The following PHF20 variants were observed in gnomAD, a reference collection of about 807,000 sequenced individuals.
PHF20 encodes the protein glioma-expressed antigen 2.
A neutral mutation model predicts 113.5 loss-of-function variants in PHF20; 23 were observed. The ratio of observed to expected loss-of-function variants is 0.20; its 90% CI spans 0.15 to 0.29. The LOEUF (loss-of-function observed/expected upper bound fraction) is 0.29, where lower values mean the gene tolerates loss of function less well. PHF20 is among the 10% of genes least tolerant of loss of function. PHF20 has a pLI of 1.00. For synonymous variants in PHF20, 434 were observed against 457.3 expected (o/e 0.95, Z 0.65); for missense variants, 943 against 1,219.6 (o/e 0.77, Z 3.38).
chr20:35,874,928 T>C (rs2054491153), intron 9 of PHF20, among the ~76,000 whole-genome samples: 1 of 151,802 alleles, frequency 6.6e-6, no homozygotes, highest in African/African-American at 2.4e-5. Context: ...AGTGAGACCC[T>C]CCCTCTTCAA....
At chr20:35,821,953 C>T (rs991950522) in intron 2 of PHF20, among the ~76,000 whole-genome samples, 1 of 152,118 alleles carries the variant, frequency 6.6e-6, no homozygotes, top group African/African-American at 2.4e-5. Context: ...ATGGGGTAGA[C>T]TTCAGTAGAA....
At chr20:35,910,576 C>A (rs551976031) in intron 10 of PHF20, among the ~76,000 whole-genome samples, 1 of 152,084 alleles carries the variant, frequency 6.6e-6, no homozygotes. Flanking sequence ...CTCCCCTCCC[C>A]CTGAGCTCCA....
At chr20:35,818,936 G>A (rs1162599718) in intron 2 of PHF20, among the ~76,000 whole-genome samples, 1 of 151,446 alleles carries the variant, frequency 6.6e-6, no homozygotes, top group Non-Finnish European at 1.5e-5. Flanking sequence ...TTTTTGTTTT[G>A]TTTTGTTTTG....
At chr20:35,896,773 C>T (rs1421000359) in intron 9 of PHF20, among the ~76,000 whole-genome samples, 2 of 147,446 alleles carry the variant, frequency 1.4e-5, no homozygotes, top group African/African-American at 5.0e-5. Flanking sequence ...TGCACTCCAG[C>T]CTGGACAAAG....
chr20:35,869,770 A>G (rs2054384989), intron 7 of PHF20, among the ~76,000 whole-genome samples: 1 of 152,194 alleles, frequency 6.6e-6, no homozygotes, highest in African/African-American at 2.4e-5. Flanking sequence ...CTGTGGTATC[A>G]TCTCCATATC....
intron 1 of PHF20, among the ~76,000 whole-genome samples, chr20:35,785,561 C>T (rs1483571223): frequency 6.6e-6 from 1 of 151,758 alleles, no homozygotes; most frequent in Non-Finnish European, 1.5e-5. Context: ...CTCAGGTGAT[C>T]CTCCCGCCTC....
At chr20:35,939,867 A>C (rs2055942650) in intron 16 of PHF20, among the ~76,000 whole-genome samples, 1 of 152,160 alleles carries the variant, frequency 6.6e-6, no homozygotes, top group African/African-American at 2.4e-5. Flanking sequence ...CTAGATTACA[A>C]GCCCCTCAAG....
At chr20:35,774,397 T>C (rs2146819368) in intron 1 of PHF20, 1 of 152,312 alleles carries the variant, frequency 6.6e-6, no homozygotes, top group Non-Finnish European at 1.5e-5. Flanking sequence ...TTACCCCCAA[T>C]CCTCACATTA....
intron 10 of PHF20, among the ~76,000 whole-genome samples, chr20:35,900,884 T>C (rs2055082519): frequency 6.6e-6 from 1 of 151,948 alleles, no homozygotes; most frequent in African/African-American, 2.4e-5. Context: ...GATTGTATGG[T>C]TCTGCTTATA....
chr20:35,944,787 G>A (rs1391852436), intron 17 of PHF20, among the ~76,000 whole-genome samples: 1 of 152,090 alleles, frequency 6.6e-6, no homozygotes, highest in African/African-American at 2.4e-5. Context: ...GGCTTGTCTT[G>A]AATTTCTGAC....
At chr20:35,866,970 G>T (rs2054330634) in intron 6 of PHF20, among the ~76,000 whole-genome samples, 1 of 152,188 alleles carries the variant, frequency 6.6e-6, no homozygotes. Context: ...TTTCCAGTCA[G>T]ACTGTCTGGA....
chr20:35,916,727 TA>T (rs541597953), intron 12 of PHF20, among the ~76,000 whole-genome samples: 2 of 151,824 alleles, frequency 1.3e-5, no homozygotes, highest in South Asian at 4.1e-4. Flanking sequence ...CTTGGCCTCC[TA>T]AAGTGCTGGG....
intron 1 of PHF20, among the ~76,000 whole-genome samples, chr20:35,784,664 T>C (rs1368346428): frequency 1.3e-5 from 2 of 151,990 alleles, no homozygotes; most frequent in East Asian, 3.9e-4. Context: ...CTTGAACTCC[T>C]GACCTCAGGT....
At chr20:35,777,123 A>G (rs985846428) in intron 1 of PHF20, among the ~76,000 whole-genome samples, 1 of 152,206 alleles carries the variant, frequency 6.6e-6, no homozygotes, top group African/African-American at 2.4e-5. Flanking sequence ...ACTACCTGAA[A>G]TCCTCAAAGA....
rs970813595 is a variant in PHF20 at position 35,917,585 on chromosome 20, G to C, written c.1927G>C (p.Asp643His). ...GACCACCAACCCAGATGAGGAACTT[G>C]ATGGGGATGACCGCTATGACTTCGA... ...DVTTNPDEEL[D>H]GDDRYDFEVV... The change falls in exon 13 of 18, where the codon GAT becomes CAT. Residue 643 changes from aspartate to histidine, a missense_variant. Asp to His is a moderately conservative substitution (Grantham distance 81). Around this residue, in one of 3 missense-constraint regions of PHF20, gnomAD observed 592 missense variants for 787.2 expected, o/e 0.75. Coordinates refer to ENST00000374012, the MANE Select transcript of PHF20 (RefSeq NM_016436.5). The C allele has an allele frequency of 1.2e-6, 2 of 1,614,042 alleles. No individual in the cohort carries two copies. The highest frequency in any genetic ancestry group is 2.7e-5 in the African/African-American group (2 of 74,920).
chr20:35,902,098 C>G (rs1269714703), intron 10 of PHF20, among the ~76,000 whole-genome samples: 1 of 152,158 alleles, frequency 6.6e-6, no homozygotes, highest in Admixed American at 6.5e-5. Flanking sequence ...CCATATGTGG[C>G]TGAGTTGGGT....
intron 2 of PHF20, among the ~76,000 whole-genome samples, chr20:35,822,245 A>G (rs995469555): frequency 6.6e-6 from 1 of 151,976 alleles, no homozygotes; most frequent in Admixed American, 6.6e-5. Context: ...TACAACACAT[A>G]TATACACAAA....
intron 9 of PHF20, among the ~76,000 whole-genome samples, chr20:35,893,661 C>T (rs2054920704): frequency 6.6e-6 from 1 of 151,794 alleles, no homozygotes; most frequent in South Asian, 2.1e-4. Context: ...GTTGCCCAGG[C>T]TGCAGTGCAA....
chr20:35,944,480 A>G (rs2056050367), intron 17 of PHF20, among the ~76,000 whole-genome samples: 1 of 152,252 alleles, frequency 6.6e-6, no homozygotes, highest in African/African-American at 2.4e-5. Context: ...CAGCAACTGT[A>G]GGATCATCTT....
Sources: gnomAD v4.1 joint callset for allele counts (sites outside exome capture counted in the v4.1 genomes callset) on GRCh38, gnomAD v4.1.1 for gene constraint, gnomAD v4.1.1 regional missense constraint, MANE v1.5 for transcripts, NCBI Gene and HGNC (gene_info 2026-07-23, HGNC 2026-07-21) for gene names.